The following ZNF140 variants were observed in gnomAD, a reference collection of about 807,000 sequenced individuals.
The protein encoded by ZNF140 is zinc finger protein 140 (clone pHZ-39).
Under a neutral mutation model 12.9 loss-of-function variants are expected in ZNF140, and 13 were observed. The ratio of observed to expected loss-of-function variants is 1.01; its 90% confidence interval spans 0.66 to 1.60. ZNF140 has a LOEUF of 1.60. Ranked by LOEUF, ZNF140 falls within the 40% of genes most tolerant of loss-of-function variation. ZNF140 has a pLI of 0.00. For missense variants in ZNF140, 531 were observed against 548.8 expected, an observed-to-expected ratio of 0.97 and a Z score of 0.32; for synonymous variants, 214 against 186.7, an observed-to-expected ratio of 1.15 and a Z score of -1.19.
chr12:133,096,469 T>C (rs1050188662), intron 4 of ZNF140, among the ~76,000 whole-genome samples: 102 of 152,340 alleles, frequency 6.7e-4, no homozygotes, highest in Middle Eastern at 3.4e-3. Flanking sequence ...CTCCCTCTCT[T>C]TTCCGTACAA....
chr12:133,098,210 T>C (rs1955211050), intron 4 of ZNF140, among the ~76,000 whole-genome samples: 1 of 152,210 alleles, frequency 6.6e-6, no homozygotes, highest in African/African-American at 2.4e-5. Context: ...TATACTTCTT[T>C]TTCTCATGGT....
chr12:133,103,576 A>G (rs1955445337), intron 4 of ZNF140, among the ~76,000 whole-genome samples: 2 of 151,838 alleles, frequency 1.3e-5, no homozygotes, highest in South Asian at 4.2e-4. Flanking sequence ...CCCGGCCCCA[A>G]CAGCTTTCTA....
chr12:133,081,693 G>GT (rs1470003544), intron 2 of ZNF140: 2 of 399,396 alleles, frequency 5.0e-6, no homozygotes, highest in African/African-American at 2.1e-5. Flanking sequence ...TGGCTGGCAT[G>GT]TTTTAGGGTG....
intron 4 of ZNF140, among the ~76,000 whole-genome samples, chr12:133,084,951 TAAC>T (rs752345552): frequency 6.6e-6 from 1 of 150,984 alleles, no homozygotes; most frequent in South Asian, 2.1e-4. Context: ...AATTAAAAAA[TAAC>T]AAAACTGATA....
intron 4 of ZNF140, among the ~76,000 whole-genome samples, chr12:133,090,762 G>C (rs1954832877): frequency 6.9e-6 from 1 of 145,492 alleles, no homozygotes; most frequent in Non-Finnish European, 1.5e-5. Context: ...TAGGAGAGCA[G>C]GGTGATAATA....
At position 133,105,450 on chromosome 12, in the gene ZNF140, G is replaced by T. The variant is rs1241070014; in HGVS notation, c.233-60G>T. On this transcript the variant is annotated intron_variant, in intron 4 of 4. Coordinates refer to ENST00000355557, the MANE Select transcript of ZNF140 (RefSeq NM_003440.4). ...TTCTGTTGCTAAAGAAGGGAGAAAT[G>T]GCCTTATTTTATTCAATACAGGAAA... is the stretch of plus-strand genomic sequence containing the variant. The T allele has an allele frequency of 2.7e-5, 40 of 1,455,642 alleles. 1 individual carries two copies. The Middle Eastern group carries it at 7.2e-4, about 26-fold the overall frequency. The allele number at this position is 1,455,642 out of a possible 1,614,324, so 90.2% of individuals were successfully genotyped here.
intron 4 of ZNF140, among the ~76,000 whole-genome samples, chr12:133,092,045 A>G (rs1295119331): frequency 1.3e-5 from 2 of 151,170 alleles, no homozygotes; most frequent in Non-Finnish European, 2.9e-5. Context: ...TTTTTGATCT[A>G]TTTGAGTCTG....
chr12:133,094,748 C>G (rs1955007527), intron 4 of ZNF140, among the ~76,000 whole-genome samples: 1 of 151,298 alleles, frequency 6.6e-6, no homozygotes, highest in Non-Finnish European at 1.5e-5. Flanking sequence ...CAAGTCGCAG[C>G]AAGCGTAGTT....
intron 4 of ZNF140, among the ~76,000 whole-genome samples, chr12:133,090,636 C>T (rs1282646260): frequency 1.5e-5 from 2 of 129,528 alleles, no homozygotes; most frequent in Non-Finnish European, 3.4e-5. Context: ...TATAGAGAAA[C>T]AACAGTGGGC....
intron 4 of ZNF140, chr12:133,093,303 A>T (rs1408860216): frequency 3.2e-6 from 2 of 616,556 alleles, no homozygotes; most frequent in Non-Finnish European, 5.8e-6. Context: ...CAGTAAGTAT[A>T]GTTAGTTGTA....
intron 3 of ZNF140, 118 bp downstream of exon 3, chr12:133,083,347 TG>T: frequency 6.7e-7 from 1 of 1,491,712 alleles, no homozygotes; most frequent in Non-Finnish European, 9.0e-7. Context: ...AGTTTTAAGA[TG>T]GGGACGTAAC....
chr12:133,095,913 A>G (rs1192701117), intron 4 of ZNF140, among the ~76,000 whole-genome samples: 3 of 151,942 alleles, frequency 2.0e-5, no homozygotes, highest in Non-Finnish European at 2.9e-5. Flanking sequence ...CTATCTCAGA[A>G]TTGAACAAAT....
At chr12:133,095,797 T>C (rs554261456) in intron 4 of ZNF140, among the ~76,000 whole-genome samples, 1 of 150,708 alleles carries the variant, frequency 6.6e-6, no homozygotes, top group Admixed American at 6.6e-5. Flanking sequence ...GTGCACGTAA[T>C]CCAGATTTAT....
intron 4 of ZNF140, chr12:133,093,377 A>T: frequency 1.4e-6 from 1 of 692,150 alleles, no homozygotes; most frequent in Non-Finnish European, 2.6e-6. Context: ...TGCAAGCAGC[A>T]TATTCTCTGG....
At chr12:133,085,904 A>G (rs1297627950) in intron 4 of ZNF140, among the ~76,000 whole-genome samples, 1 of 152,136 alleles carries the variant, frequency 6.6e-6, no homozygotes, top group African/African-American at 2.4e-5. Flanking sequence ...CCATAGTCCT[A>G]GCTACTTGAG....
Position 133,105,828 on chromosome 12 carries a change from C to T in ZNF140, c.551C>T (p.Thr184Ile). ...CTGGTGTTACACCAGAGGACTCATA[C>T]TGGAGAGAAACCATATGCATGTAAG... ...FSLVLHQRTHTGEKPYACKEC... is the reference protein window; with the variant it reads ...FSLVLHQRTHIGEKPYACKEC... The change falls in exon 5 of 5, where the codon ACT becomes ATT. Residue 184 changes from threonine to isoleucine, a missense_variant. By Grantham distance (89) the Thr-to-Ile change is moderately conservative. Coordinates refer to ENST00000355557, the MANE Select transcript of ZNF140 (RefSeq NM_003440.4). 2 of 1,614,180 alleles carry T rather than the reference C, an allele frequency of 1.2e-6. No homozygotes were observed. The highest frequency in any genetic ancestry group is 3.3e-5 in the Admixed American group (2 of 60,032).
chr12:133,099,959 A>G (rs1213417724), intron 4 of ZNF140, among the ~76,000 whole-genome samples: 1 of 151,280 alleles, frequency 6.6e-6, no homozygotes, highest in East Asian at 1.9e-4. Context: ...TCAGCACTTC[A>G]AATATTTCAC....
At position 133,081,236 on chromosome 12, in the gene ZNF140, G is replaced by A. The variant is rs923486877; in HGVS notation, c.-48-37G>A. 99 of 1,152,876 alleles carry A rather than the reference G, an allele frequency of 8.6e-5. 1 individual carries two copies. The South Asian group carries it at 9.2e-4, about 11-fold the overall frequency. 71.4% of individuals were successfully genotyped at this position (1,152,876 alleles called of 1,614,324 possible). ...CTAGTGACTTGGGCGCGGCCTAGCT[G>A]GCCTGTTCGCTCAGGGCTCCTTTCT... is the stretch of plus-strand genomic sequence containing the variant. On this transcript the variant is annotated intron_variant, in intron 1 of 4. Coordinates refer to ENST00000355557, the MANE Select transcript of ZNF140 (RefSeq NM_003440.4).
chr12:133,089,813 C>G (rs1383916393), intron 4 of ZNF140, among the ~76,000 whole-genome samples: 1 of 148,304 alleles, frequency 6.7e-6, no homozygotes, highest in African/African-American at 2.5e-5. Context: ...GGTTGCTTTT[C>G]TCTATTAATA....
Sources: allele counts gnomAD v4.1 joint callset (sites outside exome capture counted in the v4.1 genomes callset), GRCh38; gene constraint gnomAD v4.1.1; transcripts MANE v1.5; gene names NCBI Gene and HGNC (gene_info 2026-07-23, HGNC 2026-07-21).